PRR7: variants seen among roughly 807,000 people sequenced by gnomAD.
PRR7 encodes the protein proline-rich protein 7.
A neutral mutation model predicts 18.5 loss-of-function variants in PRR7; 8 were observed. That is an observed-to-expected ratio of 0.43 (90% CI 0.25 to 0.78). PRR7 has a LOEUF of 0.78. Among genes scored for constraint, PRR7 ranks in the 30% least tolerant of loss-of-function variants. The pLI, the probability that PRR7 is intolerant of heterozygous loss-of-function variation, is 0.22. For synonymous variants in PRR7, 221 were observed against 187.7 expected (o/e 1.18, Z -1.45); for missense variants, 396 against 403.1 (o/e 0.98, Z 0.15).
rs765267224 is a variant in PRR7 at position 177,455,401 on chromosome 5, C to T, written c.334C>T (p.His112Tyr). 6.7e-6 allele frequency: 10 copies of T among 1,495,154 alleles called. No individual in the cohort carries two copies. The highest frequency in any genetic ancestry group is 6.2e-5 in the South Asian group (5 of 80,148). 92.6% of individuals were successfully genotyped at this position (1,495,154 alleles called of 1,614,324 possible). A position where few individuals can be genotyped will look rare whatever the true frequency, so the allele number is the denominator to read the frequency against. The change falls in exon 3 of 4, where the codon CAC becomes TAC. Residue 112 changes from histidine to tyrosine, a missense_variant. Physicochemically the swap from His to Tyr is moderately conservative, Grantham distance 83. Around this residue, in one of 2 missense-constraint regions of PRR7, gnomAD observed 383 missense variants for 372.6 expected, o/e 1.03. Transcript: ENST00000323249. The surrounding 1 kb of genome is among the most constrained non-coding windows in gnomAD (Gnocchi z 6.9). ...CCACGGGCCCGCGCAGCCGCACGCG[C>T]ACGCGCACCCACACCCGCACCACCA... The part of the protein sequence containing the change: ...LHHGPAQPHA[H>Y]AHPHPHHHAL...
chr5:177,447,326 G>C (rs1417855365), intron 1 of PRR7, among the ~76,000 whole-genome samples: 1 of 152,154 alleles, frequency 6.6e-6, no homozygotes, highest in Non-Finnish European at 1.5e-5. Flanking sequence ...TGCGCGGCGG[G>C]GGCATGTCGC....
rs1280657958 is a variant in PRR7, at chr5:177,455,537, A to G, written c.427+43A>G. 2 of 1,443,070 alleles carry G rather than the reference A, an allele frequency of 1.4e-6. No homozygotes were observed. The highest frequency in any genetic ancestry group is 1.8e-6 in the Non-Finnish European group (2 of 1,109,140). 89.4% of individuals were successfully genotyped at this position (1,443,070 alleles called of 1,614,324 possible). ...CCAGGGGGCGATCCGGGCCGCCGGAAGTGGGCGGGCGTTGGAGGGCTCGCT... is the reference window on the plus strand; with the variant it reads ...CCAGGGGGCGATCCGGGCCGCCGGAGGTGGGCGGGCGTTGGAGGGCTCGCT... On this transcript the variant is annotated intron_variant, in intron 3 of 3. Coordinates refer to ENST00000323249, the MANE Select transcript of PRR7 (RefSeq NM_030567.5). The surrounding 1 kb of genome is among the most constrained non-coding windows in gnomAD (Gnocchi z 6.9).
chr5:177,454,946 C>T lies in PRR7; in HGVS notation c.-122C>T. On this transcript the variant is annotated 5_prime_UTR_variant, in exon 3 of 4. Coordinates refer to ENST00000323249, the MANE Select transcript of PRR7 (RefSeq NM_030567.5). The surrounding 1 kb of genome is among the most constrained non-coding windows in gnomAD (Gnocchi z 4.7). ...CGACTTGAGACCTGCCACGGGCAGC[C>T]CCCGGCCGCGGGTCCCCGAGTGACG... 3.9e-6 allele frequency: 5 copies of T among 1,282,146 alleles called. No homozygotes were observed. Among genetic ancestry groups the T allele is most frequent in the Non-Finnish European group, 5.0e-6 (5 of 1,008,232 alleles). 79.4% of individuals were successfully genotyped at this position (1,282,146 alleles called of 1,614,324 possible).
rs900849748 is a variant in PRR7 at position 177,455,466 on chromosome 5, G to A, written c.399G>A (p.Pro133=). ...CGCCGCCTACGCACCTGTCGGTGCC[G>A]CCACGGCCCTGGAGCTACCCGCGCC... The part of the protein sequence containing the change: ...PHPPPTHLSV[P]PRPWSYPRQA... Residue 133 remains proline, a synonymous_variant, in exon 3 of 4, where the codon CCG becomes CCA. Coordinates refer to ENST00000323249, the MANE Select transcript of PRR7 (RefSeq NM_030567.5). This position sits in a 1 kb window ranked among gnomAD's most constrained non-coding sequence, Gnocchi z 6.9. 12 of 1,505,400 alleles carry A rather than the reference G, an allele frequency of 8.0e-6. No individual in the cohort carries two copies. The highest frequency in any genetic ancestry group is 2.7e-5 in the East Asian group (1 of 36,874). The allele number at this position is 1,505,400 out of a possible 1,614,324, so 93.3% of individuals were successfully genotyped here. A position where few individuals can be genotyped will look rare whatever the true frequency, so the allele number is the denominator to read the frequency against.
Position 177,455,891 on chromosome 5 carries a change from C to G in PRR7, c.595C>G (p.Pro199Ala). Reference sequence around the variant, plus strand: ...CGCGGAGAAGCAGGAGCAGCCGCCTCCCAGCTACAAGCCGCTCTTCCTGGA... The same window carrying G: ...CGCGGAGAAGCAGGAGCAGCCGCCTGCCAGCTACAAGCCGCTCTTCCTGGA... ...DSAEKQEQPP[P>A]SYKPLFLDRG... Residue 199 changes from proline to alanine, a missense_variant, in exon 4 of 4, where the codon CCC (proline) becomes GCC (alanine). Coordinates refer to ENST00000323249, the MANE Select transcript of PRR7 (RefSeq NM_030567.5). The surrounding 1 kb of genome is among the most constrained non-coding windows in gnomAD (Gnocchi z 6.9). The G allele has an allele frequency of 1.2e-6, 2 of 1,610,492 alleles. No individual in the cohort carries two copies. Among genetic ancestry groups the G allele is most frequent in the Non-Finnish European group, 1.7e-6 (2 of 1,179,540 alleles).
chr5:177,455,982 T>C lies in PRR7; in HGVS notation c.686T>C (p.Leu229Pro), dbSNP rs777112365. 1.3e-5 allele frequency: 20 copies of C among 1,589,620 alleles called. No homozygotes were observed. Among genetic ancestry groups the C allele is most frequent in the Non-Finnish European group, 1.7e-5 (20 of 1,172,482 alleles). Residue 229 changes from leucine (L) to proline (P), a missense_variant, in exon 4 of 4, where the codon CTC becomes CCC. By Grantham distance (98) the Leu-to-Pro change is moderately conservative. This residue lies in a region of PRR7 where 383 missense variants were observed against 372.6 expected (regional missense o/e 1.03). Coordinates refer to ENST00000323249, the MANE Select transcript of PRR7 (RefSeq NM_030567.5). The surrounding 1 kb of genome is among the most constrained non-coding windows in gnomAD (Gnocchi z 6.9). ...CGGCCCGCGCCGCCCTGCCCAGCCC[T>C]CTGCCTGCAGGCCGACCGTGGCCGC... ...APRPAPPCPA[L>P]CLQADRGRRV... is the part of the protein sequence containing the mutation.
In PRR7 at chr5:177,454,434, C is replaced by A. The variant is rs968135385; in HGVS notation, c.-240+394C>A. Among the ~76,000 whole-genome samples the A allele has an allele frequency of 1.3e-5, 2 of 152,214 alleles. No individual in the cohort carries two copies. The highest frequency in any genetic ancestry group is 4.8e-5 in the African/African-American group (2 of 41,458). On this transcript the variant is annotated intron_variant, in intron 2 of 3. Transcript: ENST00000323249. The surrounding 1 kb of genome is among the most constrained non-coding windows in gnomAD (Gnocchi z 4.7). ...CTGTGGGGCTCTAGGAGATGTACCA[C>A]CCTTTCCCCGCCGCACAGCAACGGC... is the stretch of plus-strand genomic sequence containing the variant.
Position 177,456,263 on chromosome 5 carries a change from G to T in PRR7, c.*142G>T, listed in dbSNP as rs971392820. 1 of 1,136,142 alleles carries T rather than the reference G, an allele frequency of 8.8e-7. No homozygotes were observed. The highest frequency in any genetic ancestry group is 1.2e-6 in the Non-Finnish European group (1 of 846,884). The allele number at this position is 1,136,142 out of a possible 1,614,324, so 70.4% of individuals were successfully genotyped here. Reference sequence around the variant, plus strand: ...TTTGTTACATTTTGAGGATAATAAAGGTGTGTGATCTGGTTTGGTACAAGC... The same window carrying T: ...TTTGTTACATTTTGAGGATAATAAATGTGTGTGATCTGGTTTGGTACAAGC... On this transcript the variant is annotated 3_prime_UTR_variant, in exon 4 of 4. Coordinates refer to ENST00000323249, the MANE Select transcript of PRR7 (RefSeq NM_030567.5).
Position 177,449,287 on chromosome 5 carries a change from A to C in PRR7, c.-325+2327A>C, listed in dbSNP as rs564277574. On this transcript the variant is annotated intron_variant, in intron 1 of 3. Transcript: ENST00000323249. This position sits in a 1 kb window ranked among gnomAD's most constrained non-coding sequence, Gnocchi z 4.2. ...GCTGGGCCGCCTCCAGGCTGTGTAC[A>C]CTGTGACACCAGGGGCTGCTTTCTG... Among the ~76,000 whole-genome samples, 162 of 152,308 alleles carry C rather than the reference A, an allele frequency of 1.1e-3. No individual in the cohort carries two copies. The highest frequency in any genetic ancestry group is 3.8e-3 in the African/African-American group (157 of 41,574).
chr5:177,452,684 G>C (rs1229320938), intron 1 of PRR7, among the ~76,000 whole-genome samples: 1 of 152,152 alleles, frequency 6.6e-6, no homozygotes, highest in Non-Finnish European at 1.5e-5. Flanking sequence ...CCTCTCTTTG[G>C]CCCAAAGTTG....
upstream of PRR7, chr5:177,446,569 T>C (rs1035030317): frequency 6.6e-6 from 1 of 151,860 alleles, no homozygotes; most frequent in Admixed American, 6.5e-5. This position sits in a 1 kb window ranked among gnomAD's most constrained non-coding sequence, Gnocchi z 5.3. Context: ...CAGCCTGGAG[T>C]GTGGACCGGG....
At position 177,455,519 on chromosome 5, in the gene PRR7, G is replaced by T. The variant is rs748815731; in HGVS notation, c.427+25G>T. On this transcript the variant is annotated intron_variant, in intron 3 of 3. Coordinates refer to ENST00000323249, the MANE Select transcript of PRR7 (RefSeq NM_030567.5). The surrounding 1 kb of genome is among the most constrained non-coding windows in gnomAD (Gnocchi z 6.9). ...GGTGAGTACCGACCTCCGCCAGGGGGCGATCCGGGCCGCCGGAAGTGGGCG... is the reference window on the plus strand; with the variant it reads ...GGTGAGTACCGACCTCCGCCAGGGGTCGATCCGGGCCGCCGGAAGTGGGCG... 7.6e-6 allele frequency: 11 copies of T among 1,456,012 alleles called. No homozygotes were observed. The Admixed American group carries it at 2.0e-4, about 26-fold the overall frequency. The allele number at this position is 1,456,012 out of a possible 1,614,324, so 90.2% of individuals were successfully genotyped here.
In PRR7 at chr5:177,449,755, G is replaced by C. The variant is rs78881288; in HGVS notation, c.-325+2795G>C. Among the ~76,000 whole-genome samples the C allele has an allele frequency of 1.8e-3, 276 of 152,214 alleles. 3 individuals carry two copies. The highest frequency in any genetic ancestry group is 6.5e-3 in the African/African-American group (271 of 41,518). Reference sequence around the variant, plus strand: ...GGCCTCAGTCTCTGTGGTCTTATTTGTAGTTTCCCAAGCCCTGGGTTCCTG... The same window carrying C: ...GGCCTCAGTCTCTGTGGTCTTATTTCTAGTTTCCCAAGCCCTGGGTTCCTG... On this transcript the variant is annotated intron_variant, in intron 1 of 3. Coordinates refer to ENST00000323249, the MANE Select transcript of PRR7 (RefSeq NM_030567.5). The surrounding 1 kb of genome is among the most constrained non-coding windows in gnomAD (Gnocchi z 4.2).
rs920774253 is a variant in PRR7, at chr5:177,449,390, T to C, written c.-325+2430T>C. 6.6e-6 allele frequency among the ~76,000 whole-genome samples: 1 copy of C among 152,160 alleles called. No individual in the cohort carries two copies. Among genetic ancestry groups the C allele is most frequent in the Non-Finnish European group, 1.5e-5 (1 of 68,014 alleles). On this transcript the variant is annotated intron_variant, in intron 1 of 3. Coordinates refer to ENST00000323249, the MANE Select transcript of PRR7 (RefSeq NM_030567.5). The surrounding 1 kb of genome is among the most constrained non-coding windows in gnomAD (Gnocchi z 4.2). The stretch of plus-strand genomic sequence containing the variant: ...TGTCCCCTCGGCACCCTGGTCCTAC[T>C]GCTGAAGAAACTCCAGCTCAGGTAT...
chr5:177,446,558 C>G (rs937141955), upstream of PRR7: 1 of 152,330 alleles, frequency 6.6e-6, no homozygotes, highest in Non-Finnish European at 1.5e-5. The surrounding 1 kb of genome is among the most constrained non-coding windows in gnomAD (Gnocchi z 5.3). Flanking sequence ...GGCCTGGGCT[C>G]CAGCCTGGAG....
rs558200714 is a variant in PRR7, at chr5:177,447,939, C to T, written c.-325+979C>T. Among the ~76,000 whole-genome samples the T allele has an allele frequency of 6.5e-3, 988 of 152,320 alleles. 6 individuals are homozygous for T. The highest frequency in any genetic ancestry group is 0.013 in the South Asian group (65 of 4,828). On this transcript the variant is annotated intron_variant, in intron 1 of 3. Coordinates refer to ENST00000323249, the MANE Select transcript of PRR7 (RefSeq NM_030567.5). ...GCATGCAGGTTGGCCGGCAGGGAGGCACGCGCCACATGGAGGTGCCTGGTC... is the reference window on the plus strand; with the variant it reads ...GCATGCAGGTTGGCCGGCAGGGAGGTACGCGCCACATGGAGGTGCCTGGTC...
Position 177,455,182 on chromosome 5 carries a change from A to G in PRR7, c.115A>G (p.Lys39Glu). 1 of 1,572,614 alleles carries G rather than the reference A, an allele frequency of 6.4e-7. No individual in the cohort carries two copies. Among genetic ancestry groups the G allele is most frequent in the Non-Finnish European group, 8.6e-7 (1 of 1,164,988 alleles). Residue 39 changes from lysine (K) to glutamate (E), a missense_variant, in exon 3 of 4, where the codon AAA (lysine) becomes GAA (glutamate). Physicochemically the swap from Lys to Glu is moderately conservative, Grantham distance 56. Transcript: ENST00000323249. The surrounding 1 kb of genome is among the most constrained non-coding windows in gnomAD (Gnocchi z 6.9). ...CFCSFLRRRL[K>E]RRQEERLREQ... ...CTGCAGCTTCCTGCGCCGCCGCCTC[A>G]AACGGCGCCAGGAGGAGCGACTGCG... is the stretch of plus-strand genomic sequence containing the variant.
In PRR7 at chr5:177,454,422, G is replaced by C. The variant is rs532028722; in HGVS notation, c.-240+382G>C. On this transcript the variant is annotated intron_variant, in intron 2 of 3. Transcript: ENST00000323249. The surrounding 1 kb of genome is among the most constrained non-coding windows in gnomAD (Gnocchi z 4.7). ...TCGGGTGGCTGTCTGTGGGGCTCTA[G>C]GAGATGTACCACCCTTTCCCCGCCG... Among the ~76,000 whole-genome samples, 1 of 152,316 alleles carries C rather than the reference G, an allele frequency of 6.6e-6. No homozygotes were observed. The highest frequency in any genetic ancestry group is 1.9e-4 in the East Asian group (1 of 5,174).
intron 1 of PRR7, chr5:177,448,335 C>T (rs1027645028): frequency 1.3e-5 from 2 of 152,276 alleles, no homozygotes; most frequent in Admixed American, 6.5e-5. Context: ...CATTCCCTTC[C>T]TGCTCTGTGA....
Sources: allele counts gnomAD v4.1 joint callset (sites outside exome capture counted in the v4.1 genomes callset), GRCh38; gene constraint gnomAD v4.1.1; regional missense constraint gnomAD v4.1.1; non-coding constraint Gnocchi (gnomAD v3.1); transcripts MANE v1.5; gene names NCBI Gene and HGNC (gene_info 2026-07-23, HGNC 2026-07-21).